Variants in PRCP observed in about 807,000 individuals in gnomAD.
The protein encoded by PRCP is lysosomal Pro-X carboxypeptidase.
PRCP carries 46 observed loss-of-function variants against 54.2 expected under a neutral mutation model. The ratio of observed to expected loss-of-function variants is 0.85; its 90% CI spans 0.67 to 1.09. PRCP has a LOEUF of 1.09. PRCP is among the 50% of genes least tolerant of loss of function. The pLI is 0.00. For synonymous variants in PRCP, 240 were observed against 212.2 expected, an observed-to-expected ratio of 1.13 and a Z score of -1.14; for missense variants, 613 against 596.8, an observed-to-expected ratio of 1.03 and a Z score of -0.28.
At chr11:82,841,752 T>G (rs1858677823) in intron 6 of PRCP, among the ~76,000 whole-genome samples, 1 of 152,178 alleles carries the variant, frequency 6.6e-6, no homozygotes, top group Non-Finnish European at 1.5e-5. Flanking sequence ...AACTCTCGAT[T>G]TTTCATGGTA....
intron 1 of PRCP, among the ~76,000 whole-genome samples, chr11:82,887,974 T>C (rs1343898909): frequency 6.6e-6 from 1 of 152,210 alleles, no homozygotes; most frequent in Non-Finnish European, 1.5e-5. Context: ...TACAGGACTG[T>C]CCATTCTTCA....
At chr11:82,860,564 A>G (rs999264228) in intron 1 of PRCP, among the ~76,000 whole-genome samples, 11 of 152,058 alleles carry the variant, frequency 7.2e-5, no homozygotes, top group African/African-American at 1.9e-4. Flanking sequence ...ATTACCTCAT[A>G]TATTTATCAT....
chr11:82,839,505 A>C, intron 6 of PRCP, 80 bp from the exon 7 acceptor site: 1 of 1,418,024 alleles, frequency 7.1e-7, no homozygotes, highest in East Asian at 2.3e-5. Flanking sequence ...AAGAAGAAAT[A>C]TGATTTTGAT....
chr11:82,835,623 T>C, intron 8 of PRCP: 2 of 311,016 alleles, frequency 6.4e-6, no homozygotes, highest in South Asian at 5.7e-5. Context: ...GCCGAAGAAG[T>C]GGAACCAGAA....
intron 3 of PRCP, among the ~76,000 whole-genome samples, chr11:82,852,121 C>A (rs556585765): frequency 2.0e-5 from 3 of 152,196 alleles, no homozygotes; most frequent in Non-Finnish European, 4.4e-5. Flanking sequence ...AACAAGCTAA[C>A]TGCTTCCCAG....
intron 1 of PRCP, among the ~76,000 whole-genome samples, chr11:82,876,310 T>C (rs1215577868): frequency 6.6e-6 from 1 of 152,224 alleles, no homozygotes; most frequent in African/African-American, 2.4e-5. Flanking sequence ...GGATTCAAAG[T>C]GGTGTGTGTA....
At chr11:82,884,190 GT>G (rs1859814009) in intron 1 of PRCP, among the ~76,000 whole-genome samples, 1 of 152,168 alleles carries the variant, frequency 6.6e-6, no homozygotes, top group South Asian at 2.1e-4. Context: ...GTAGTTCCTG[GT>G]TTAAATTAGA....
At chr11:82,837,615 C>T (rs1858559000) in intron 8 of PRCP, among the ~76,000 whole-genome samples, 1 of 152,178 alleles carries the variant, frequency 6.6e-6, no homozygotes, top group Admixed American at 6.5e-5. Context: ...GTGGCATCTC[C>T]TATTTCTATA....
At chr11:82,857,230 G>A (rs904199373) in intron 2 of PRCP, among the ~76,000 whole-genome samples, 9 of 152,102 alleles carry the variant, frequency 5.9e-5, no homozygotes, top group African/African-American at 2.2e-4. Context: ...AGCACACAAT[G>A]GCTAATAATA....
intron 2 of PRCP, among the ~76,000 whole-genome samples, chr11:82,856,853 G>A (rs1001839425): frequency 6.6e-6 from 1 of 151,946 alleles, no homozygotes; most frequent in Non-Finnish European, 1.5e-5. Flanking sequence ...TCGAGATCAC[G>A]GTGAAACCCT....
intron 8 of PRCP, chr11:82,835,945 C>A: frequency 3.2e-6 from 1 of 314,834 alleles, no homozygotes; most frequent in East Asian, 9.3e-5. Flanking sequence ...GTAGTCCCAG[C>A]AATTTGGGAG....
At chr11:82,825,770 C>A (rs1858215469) in intron 8 of PRCP, 3 of 152,266 alleles carry the variant, frequency 2.0e-5, no homozygotes. Context: ...TTGGGCATTA[C>A]ACGAAAATCT....
intron 1 of PRCP, among the ~76,000 whole-genome samples, chr11:82,879,631 A>T (rs1859698542): frequency 1.3e-5 from 2 of 152,170 alleles, no homozygotes. Context: ...TAGAATTTTC[A>T]GCTTTTCTGC....
chr11:82,887,117 A>G (rs1859878371), intron 1 of PRCP, among the ~76,000 whole-genome samples: 1 of 152,222 alleles, frequency 6.6e-6, no homozygotes, highest in South Asian at 2.1e-4. Context: ...CTACCTTGAC[A>G]GAAATCTTTA....
At chr11:82,836,834 C>A in intron 8 of PRCP, 1 of 354,004 alleles carries the variant, frequency 2.8e-6, no homozygotes, top group East Asian at 1.1e-4. Flanking sequence ...AGGAGTGAGC[C>A]ACTGCATCCA....
intron 1 of PRCP, among the ~76,000 whole-genome samples, chr11:82,898,451 T>A (rs1395991690): frequency 1.3e-5 from 2 of 152,224 alleles, no homozygotes; most frequent in African/African-American, 4.8e-5. Flanking sequence ...TCAATCCCAA[T>A]GGGATTTTAG....
chr11:82,829,474 A>G (rs1253414674), intron 8 of PRCP: 4 of 152,068 alleles, frequency 2.6e-5, no homozygotes, highest in Admixed American at 1.3e-4. Flanking sequence ...TACTTCCTCT[A>G]TATCATTTTT....
At chr11:82,887,573 G>A (rs1353478342) in intron 1 of PRCP, among the ~76,000 whole-genome samples, 1 of 152,046 alleles carries the variant, frequency 6.6e-6, no homozygotes, top group Non-Finnish European at 1.5e-5. Context: ...TGTTCCTTGG[G>A]AGTACTTTGA....
At chr11:82,888,299 A>G (rs1859916370) in intron 1 of PRCP, among the ~76,000 whole-genome samples, 1 of 152,206 alleles carries the variant, frequency 6.6e-6, no homozygotes, top group Admixed American at 6.5e-5. Context: ...AGCAGGAAAG[A>G]CAGCATCATG....
Sources: gnomAD v4.1 joint callset for allele counts (sites outside exome capture counted in the v4.1 genomes callset) on GRCh38, gnomAD v4.1.1 for gene constraint, MANE v1.5 for transcripts, NCBI Gene and HGNC (gene_info 2026-07-23, HGNC 2026-07-21) for gene names.